Variants in ICAM1 observed in about 807,000 individuals in gnomAD.
The protein encoded by ICAM1 is intercellular adhesion molecule 1, also known as ICAM-1.
Under a neutral mutation model 42.3 loss-of-function variants are expected in ICAM1, and 28 were observed. That is an observed-to-expected ratio of 0.66 (90% CI 0.49 to 0.91). The LOEUF is 0.91. Among genes scored for constraint, ICAM1 ranks in the 40% least tolerant of loss-of-function variants. The probability of loss-of-function intolerance (pLI) is 0.00; values close to 1 mark genes in which losing one functional copy is unlikely to be tolerated. For missense variants in ICAM1, 637 were observed against 688.6 expected (o/e 0.93, Z 0.84); for synonymous variants, 304 against 305.9 (o/e 0.99, Z 0.07).
chr19:10,272,774 G>A (rs1265151859), intron 1 of ICAM1, among the ~76,000 whole-genome samples: 1 of 151,706 alleles, frequency 6.6e-6, no homozygotes. Flanking sequence ...CTGACCTCAT[G>A]ATCTGCCCAC....
rs1479852844 is a variant in ICAM1, at chr19:10,284,869, G to C, written c.1267G>C (p.Gly423Arg). Residue 423 changes from glycine (G) to arginine (R), a missense_variant, in exon 6 of 7, where the codon GGG (glycine) becomes CGG (arginine). Coordinates refer to ENST00000264832, the MANE Select transcript of ICAM1 (RefSeq NM_000201.3). The surrounding 1 kb of genome is among the most constrained non-coding windows in gnomAD (Gnocchi z 5.4). ...SQQTPMCQAW[G>R]NPLPELKCLK... The stretch of plus-strand genomic sequence containing the variant: ...GCAGACTCCAATGTGCCAGGCTTGG[G>C]GGAACCCATTGCCCGAGCTCAAGTG... 1 of 1,596,172 alleles carries C rather than the reference G, an allele frequency of 6.3e-7. No homozygotes were observed. The highest frequency in any genetic ancestry group is 8.5e-7 in the Non-Finnish European group (1 of 1,173,766).
At chr19:10,279,978 G>C (rs1414981550) in intron 2 of ICAM1, among the ~76,000 whole-genome samples, 3 of 152,180 alleles carry the variant, frequency 2.0e-5, no homozygotes, top group Non-Finnish European at 4.4e-5. Context: ...GTCATGGAGG[G>C]TTTCTGAGCA....
At chr19:10,275,451 G>A (rs1335685018) in intron 2 of ICAM1, among the ~76,000 whole-genome samples, 3 of 152,060 alleles carry the variant, frequency 2.0e-5, no homozygotes, top group East Asian at 1.9e-4. Flanking sequence ...AGCCGCGATC[G>A]TGCCAGTGCA....
intron 2 of ICAM1, among the ~76,000 whole-genome samples, chr19:10,277,117 A>C (rs982874749): frequency 2.6e-5 from 4 of 152,152 alleles, no homozygotes; most frequent in African/African-American, 9.7e-5. Flanking sequence ...TGACAATATT[A>C]GCTGGCTATG....
Position 10,283,566 on chromosome 19 carries a change from T to C in ICAM1, c.417T>C (p.Gly139=). 1 of 1,612,552 alleles carries C rather than the reference T, an allele frequency of 6.2e-7. No individual in the cohort carries two copies. Among genetic ancestry groups the C allele is most frequent in the Non-Finnish European group, 8.5e-7 (1 of 1,179,406 alleles). ...TTACCCTACGCTGCCAGGTGGAGGG[T>C]GGGGCACCCCGGGCCAACCTCACCG... ...KNLTLRCQVE[G]GAPRANLTVV... is the part of the protein sequence containing the mutation. Residue 139 remains glycine (G), a synonymous_variant, in exon 3 of 7, where the codon GGT becomes GGC. Transcript: ENST00000264832.
intron 2 of ICAM1, 39 bp downstream of exon 2, chr19:10,275,067 C>G (rs5030352): frequency 0.41 from 648,761 of 1,598,608 alleles, 138,644 homozygotes; most frequent in African/African-American, 0.7. Flanking sequence ...TAGGCAGACC[C>G]GGTGGGAGAG....
rs201464213 is a variant in ICAM1, at chr19:10,284,800, G to A, written c.1198G>A (p.Glu400Lys). ...LRVLYGPRLD[E>K]RDCPGNWTWP... ...TTTTCCAGATGGCCCCCGACTGGAC[G>A]AGAGGGATTGTCCGGGAAACTGGAC... Residue 400 changes from glutamate to lysine, a missense_variant, in exon 6 of 7, where the codon GAG becomes AAG. By Grantham distance (56) the Glu-to-Lys change is moderately conservative. Transcript: ENST00000264832. The surrounding 1 kb of genome is among the most constrained non-coding windows in gnomAD (Gnocchi z 5.4). 63 of 1,604,900 alleles carry A rather than the reference G, an allele frequency of 3.9e-5. No individual in the cohort carries two copies. Among genetic ancestry groups the A allele is most frequent in the South Asian group, 1.3e-4 (12 of 89,996 alleles).
intron 1 of ICAM1, among the ~76,000 whole-genome samples, chr19:10,273,004 G>A (rs935172095): frequency 1.3e-5 from 2 of 152,130 alleles, no homozygotes; most frequent in Non-Finnish European, 2.9e-5. Flanking sequence ...GAGCCAGTCT[G>A]ATTCCTGGAG....
Position 10,284,125 on chromosome 19 carries a change from C to G in ICAM1, c.730C>G (p.Pro244Ala). 1 of 1,614,116 alleles carries G rather than the reference C, an allele frequency of 6.2e-7. No homozygotes were observed. Among genetic ancestry groups the G allele is most frequent in the Non-Finnish European group, 8.5e-7 (1 of 1,179,996 alleles). The change falls in exon 4 of 7, where the codon CCA becomes GCA. Residue 244 changes from proline to alanine, a missense_variant. Transcript: ENST00000264832. This position sits in a 1 kb window ranked among gnomAD's most constrained non-coding sequence, Gnocchi z 5.4. ...TVVCSLDGLF[P>A]VSEAQVHLAL... ...GGTCTGTTCCCTGGACGGGCTGTTC[C>G]CAGTCTCGGAGGCCCAGGTCCACCT...
chr19:10,277,388 C>T (rs1391424299), intron 2 of ICAM1, among the ~76,000 whole-genome samples: 1 of 152,134 alleles, frequency 6.6e-6, no homozygotes, highest in Non-Finnish European at 1.5e-5. Flanking sequence ...CCATGTTGGT[C>T]AGGCTGGTCT....
rs371235104 is a variant in ICAM1 at position 10,278,482 on chromosome 19, C to T, written c.331+3454C>T. Among the ~76,000 whole-genome samples, 5 of 151,006 alleles carry T rather than the reference C, an allele frequency of 3.3e-5. No homozygotes were observed. The East Asian group carries it at 9.7e-4, about 29-fold the overall frequency. On this transcript the variant is annotated intron_variant, in intron 2 of 6. Transcript: ENST00000264832. Reference sequence around the variant, plus strand: ...GGTGAGGGAAGTCCCCGAACATTCCCAGCAGCTTCTGGAAACCCCAGGGAA... The same window carrying T: ...GGTGAGGGAAGTCCCCGAACATTCCTAGCAGCTTCTGGAAACCCCAGGGAA...
chr19:10,280,157 T>C (rs1352177693), intron 2 of ICAM1, among the ~76,000 whole-genome samples: 1 of 152,118 alleles, frequency 6.6e-6, no homozygotes, highest in Non-Finnish European at 1.5e-5. Flanking sequence ...GGACTGCAGG[T>C]CAGGGTCAAG....
intron 2 of ICAM1, among the ~76,000 whole-genome samples, chr19:10,276,564 A>G (rs2040018787): frequency 6.6e-6 from 1 of 150,506 alleles, no homozygotes; most frequent in Non-Finnish European, 1.5e-5. Context: ...AAAAAAAAAA[A>G]GAATTGATAA....
chr19:10,277,182 G>GA (rs1344740245), intron 2 of ICAM1, among the ~76,000 whole-genome samples: 3 of 151,650 alleles, frequency 2.0e-5, no homozygotes, highest in Admixed American at 6.6e-5. Flanking sequence ...AATTCTTTTT[G>GA]TTTTTTCCTT....
At position 10,284,108 on chromosome 19, in the gene ICAM1, C is replaced by A. The variant is rs772332794; in HGVS notation, c.713C>A (p.Ser238Tyr). ...GACACGCAGGGGACCGTGGTCTGTT[C>A]CCTGGACGGGCTGTTCCCAGTCTCG... ...EVDTQGTVVC[S>Y]LDGLFPVSEA... The change falls in exon 4 of 7, where the codon TCC becomes TAC. Residue 238 changes from serine (S) to tyrosine (Y), a missense_variant. By Grantham distance (144) the Ser-to-Tyr change is moderately radical. Transcript: ENST00000264832. This position sits in a 1 kb window ranked among gnomAD's most constrained non-coding sequence, Gnocchi z 5.4. 7 of 1,614,070 alleles carry A rather than the reference C, an allele frequency of 4.3e-6. No homozygotes were observed. The African/African-American group carries it at 5.3e-5, about 12-fold the overall frequency.
Position 10,283,755 on chromosome 19 carries a change from C to A in ICAM1, c.606C>A (p.Asn202Lys), listed in dbSNP as rs775112898. The change falls in exon 3 of 7, where the codon AAC becomes AAA. Residue 202 changes from asparagine to lysine, a missense_variant. Transcript: ENST00000264832. ...LRPQGLELFE[N>K]TSAPYQLQTF... is the part of the protein sequence containing the mutation. The stretch of plus-strand genomic sequence containing the variant: ...CCCAAGGGCTGGAGCTGTTTGAGAA[C>A]ACCTCGGCCCCCTACCAGCTCCAGA... 6.2e-6 allele frequency: 10 copies of A among 1,610,700 alleles called. No homozygotes were observed. The highest frequency in any genetic ancestry group is 7.6e-6 in the Non-Finnish European group (9 of 1,178,372).
In ICAM1 at chr19:10,285,003, C is replaced by A; in HGVS notation, c.1401C>A (p.Thr467=). The change falls in exon 6 of 7, where the codon ACC becomes ACA. Residue 467 remains threonine (T), a synonymous_variant. Coordinates refer to ENST00000264832, the MANE Select transcript of ICAM1 (RefSeq NM_000201.3). ...CRARSTQGEV[T]RKVTVNVLSP... ...CCAGGAGCACTCAAGGGGAGGTCAC[C>A]CGCAAGGTGACCGTGAATGTGCTCT... 3 of 1,613,678 alleles carry A rather than the reference C, an allele frequency of 1.9e-6. No individual in the cohort carries two copies. The highest frequency in any genetic ancestry group is 2.5e-6 in the Non-Finnish European group (3 of 1,179,894).
At chr19:10,282,874 G>A (rs1489397131) in intron 2 of ICAM1, among the ~76,000 whole-genome samples, 1 of 151,994 alleles carries the variant, frequency 6.6e-6, no homozygotes, top group African/African-American at 2.4e-5. Context: ...TTAGCTGGGT[G>A]TGGTGACACG....
Position 10,286,097 on chromosome 19 carries a change from A to G in ICAM1, c.*810A>G, listed in dbSNP as rs2145017853. 6.6e-6 allele frequency: 1 copy of G among 152,446 alleles called. No homozygotes were observed. Among genetic ancestry groups the G allele is most frequent in the African/African-American group, 2.4e-5 (1 of 41,544 alleles). The allele number at this position is 152,446 out of a possible 1,614,324, so 9.4% of individuals were successfully genotyped here. A position where few individuals can be genotyped will look rare whatever the true frequency, so the allele number is the denominator to read the frequency against. ...GAGGCCTTATTCCTCCCTTCCCCCC[A>G]AAACTGACACCTTTGTTAGCCACCT... On this transcript the variant is annotated 3_prime_UTR_variant, in exon 7 of 7. Coordinates refer to ENST00000264832, the MANE Select transcript of ICAM1 (RefSeq NM_000201.3).
Sources: allele counts gnomAD v4.1 joint callset (sites outside exome capture counted in the v4.1 genomes callset), GRCh38; gene constraint gnomAD v4.1.1; non-coding constraint Gnocchi (gnomAD v3.1); transcripts MANE v1.5; gene names NCBI Gene and HGNC (gene_info 2026-07-23, HGNC 2026-07-21).